The following CPNE8 variants were observed in gnomAD, a reference collection of about 807,000 sequenced individuals.
CPNE8 encodes copine 8, also known as copine-8.
In CPNE8, 45 loss-of-function variants were observed where a neutral mutation model predicts 81.5. The observed-to-expected ratio is 0.55, with a 90% CI of 0.44 to 0.71. CPNE8 has a LOEUF of 0.71. CPNE8 is among the 30% of genes least tolerant of loss of function. The probability of loss-of-function intolerance (pLI) is 0.00; values close to 1 mark genes in which losing one functional copy is unlikely to be tolerated. For synonymous variants in CPNE8, 252 were observed against 226.3 expected, an observed-to-expected ratio of 1.11 and a Z score of -1.02; for missense variants, 594 against 672.1, an observed-to-expected ratio of 0.88 and a Z score of 1.28.
At chr12:38,763,137 G>C (rs901015673) in intron 8 of CPNE8, among the ~76,000 whole-genome samples, 1 of 152,208 alleles carries the variant, frequency 6.6e-6, no homozygotes, top group African/African-American at 2.4e-5. Context: ...GATTACAGGC[G>C]TGAGCCACTG....
intron 3 of CPNE8, among the ~76,000 whole-genome samples, chr12:38,860,855 T>G (rs962893201): frequency 1.3e-5 from 2 of 152,082 alleles, no homozygotes; most frequent in Non-Finnish European, 2.9e-5. Context: ...GAGGGAAAAC[T>G]GGGAAGAATT....
chr12:38,886,708 C>A (rs551654453), intron 1 of CPNE8, among the ~76,000 whole-genome samples: 1 of 152,250 alleles, frequency 6.6e-6, no homozygotes, highest in South Asian at 2.1e-4. Context: ...GGCCAAAGAG[C>A]CTCCTGGTAA....
At chr12:38,777,758 A>G (rs1228663719) in intron 6 of CPNE8, among the ~76,000 whole-genome samples, 1 of 152,178 alleles carries the variant, frequency 6.6e-6, no homozygotes, top group East Asian at 1.9e-4. Flanking sequence ...TAGCCTAGGT[A>G]TGTAGTAGGC....
intron 3 of CPNE8, among the ~76,000 whole-genome samples, chr12:38,863,959 C>G (rs1049763225): frequency 6.6e-6 from 1 of 150,990 alleles, no homozygotes; most frequent in Admixed American, 6.6e-5. Flanking sequence ...GAGGCTGAGG[C>G]AGGAGAATGG....
chr12:38,837,556 G>A (rs1943403920), intron 5 of CPNE8, among the ~76,000 whole-genome samples: 1 of 151,980 alleles, frequency 6.6e-6, no homozygotes, highest in African/African-American at 2.4e-5. Context: ...ATAAAGTTAT[G>A]AGAAAAAATA....
chr12:38,770,998 A>T (rs1941788436), intron 7 of CPNE8, among the ~76,000 whole-genome samples: 3 of 151,980 alleles, frequency 2.0e-5, no homozygotes, highest in Admixed American at 2.0e-4. Context: ...AAAAACAAGG[A>T]CCAGGTTTGG....
intron 1 of CPNE8, among the ~76,000 whole-genome samples, chr12:38,894,797 A>G (rs1250592903): frequency 2.0e-5 from 3 of 152,046 alleles, no homozygotes; most frequent in Non-Finnish European, 4.4e-5. Context: ...TTACCAAAAA[A>G]TCTACAAATA....
intron 10 of CPNE8, among the ~76,000 whole-genome samples, chr12:38,754,377 A>G (rs1941415590): frequency 6.6e-6 from 1 of 152,138 alleles, no homozygotes; most frequent in Non-Finnish European, 1.5e-5. Context: ...CCTCTGAAAC[A>G]TTATCTGAAA....
chr12:38,761,343 AG>A (rs1208113054), intron 9 of CPNE8, among the ~76,000 whole-genome samples: 1 of 152,220 alleles, frequency 6.6e-6, no homozygotes, highest in Non-Finnish European at 1.5e-5. Flanking sequence ...TGAGATCACC[AG>A]GTGATGCTGA....
intron 3 of CPNE8, among the ~76,000 whole-genome samples, chr12:38,859,562 A>G (rs1026360353): frequency 1.3e-5 from 2 of 152,156 alleles, no homozygotes; most frequent in East Asian, 3.8e-4. Context: ...TTTTATAAAA[A>G]TAGACAAAAC....
At chr12:38,906,551 C>G, upstream of CPNE8, 3 of 985,610 alleles carry the variant, frequency 3.0e-6, no homozygotes, top group African/African-American at 5.2e-5. Flanking sequence ...TAACGCAGCT[C>G]CTTCAGCCGA....
chr12:38,689,874 T>A (rs1451772181), intron 15 of CPNE8, among the ~76,000 whole-genome samples: 1 of 152,230 alleles, frequency 6.6e-6, no homozygotes, highest in Non-Finnish European at 1.5e-5. Context: ...AGAATGATAA[T>A]GAGAGGAGAG....
chr12:38,798,577 C>A (rs527534238), intron 6 of CPNE8, among the ~76,000 whole-genome samples: 2 of 151,926 alleles, frequency 1.3e-5, no homozygotes, highest in South Asian at 2.1e-4. Flanking sequence ...ACAACCGGTA[C>A]CAGCCACTGC....
intron 16 of CPNE8, among the ~76,000 whole-genome samples, chr12:38,679,939 T>C (rs1322838357): frequency 6.6e-6 from 1 of 151,842 alleles, no homozygotes; most frequent in Non-Finnish European, 1.5e-5. Context: ...AGATTCAAAT[T>C]ATATTTTAAA....
rs191396729 is a variant in CPNE8, at chr12:38,698,241, C to T, written c.962-4403G>A. 2.7e-3 allele frequency among the ~76,000 whole-genome samples: 416 copies of T among 152,276 alleles called. 1 individual carries two copies. Among genetic ancestry groups the T allele is most frequent in the African/African-American group, 9.6e-3 (397 of 41,556 alleles). The stretch of plus-strand genomic sequence containing the variant: ...AATATCTATTTAGATCCTTTGCCCA[C>T]TTTTAACATTGGATTATTTGTCTTT... On this transcript the variant is annotated intron_variant, in intron 14 of 19. Coordinates refer to ENST00000331366, the MANE Select transcript of CPNE8 (RefSeq NM_153634.3).
At chr12:38,800,975 T>G (rs1942648291) in intron 6 of CPNE8, among the ~76,000 whole-genome samples, 1 of 149,104 alleles carries the variant, frequency 6.7e-6, no homozygotes, top group East Asian at 2.0e-4. Flanking sequence ...TAAAAAGAAA[T>G]GAGCAAAGCC....
At chr12:38,812,497 C>T (rs2136989864) in intron 6 of CPNE8, among the ~76,000 whole-genome samples, 1 of 152,294 alleles carries the variant, frequency 6.6e-6, no homozygotes, top group Non-Finnish European at 1.5e-5. Flanking sequence ...CTTATAAAAA[C>T]CATCAGATCT....
chr12:38,671,148 A>G (rs1382337204), intron 18 of CPNE8, among the ~76,000 whole-genome samples: 1 of 152,138 alleles, frequency 6.6e-6, no homozygotes, highest in Non-Finnish European at 1.5e-5. Context: ...TGACTGATTG[A>G]GCAAGTGATG....
At chr12:38,906,517 G>A (rs1008103992), upstream of CPNE8, 6 of 985,830 alleles carry the variant, frequency 6.1e-6, no homozygotes, top group African/African-American at 5.2e-5. Flanking sequence ...AATGGGGGCC[G>A]GGGAGGGTGA....
Sources: allele counts gnomAD v4.1 joint callset (sites outside exome capture counted in the v4.1 genomes callset), GRCh38; gene constraint gnomAD v4.1.1; transcripts MANE v1.5; gene names NCBI Gene and HGNC (gene_info 2026-07-23, HGNC 2026-07-21).